The following TRPM5 variants were observed in gnomAD, a reference collection of about 807,000 sequenced individuals.
The protein encoded by TRPM5 is MLSN1 and TRP-related.
Under a neutral mutation model 124.9 loss-of-function variants are expected in TRPM5, and 121 were observed. That is an observed-to-expected ratio of 0.97 (90% CI 0.84 to 1.13). The LOEUF (loss-of-function observed/expected upper bound fraction) is 1.13. Among genes scored for constraint, TRPM5 ranks in the 50% most tolerant of loss-of-function variants. The pLI, the probability that TRPM5 is intolerant of heterozygous loss-of-function variation, is 0.00. For synonymous variants in TRPM5, 781 were observed against 700.5 expected, an observed-to-expected ratio of 1.11 and a Z score of -1.81; for missense variants, 1,643 against 1,589.1, an observed-to-expected ratio of 1.03 and a Z score of -0.58.
exon 15 of TRPM5, chr11:2,412,911 G>C (rs754028079): frequency 6.3e-7 from 1 of 1,598,168 alleles, no homozygotes; most frequent in Admixed American, 1.8e-5. Flanking sequence ...CAGGAACACA[G>C]TCACGGGAGC....
chr11:2,411,624 C>T lies in TRPM5; in HGVS notation c.2607+11G>A, dbSNP rs375609312. 111 of 1,610,810 alleles carry T rather than the reference C, an allele frequency of 6.9e-5. No homozygotes were observed. In the South Asian group the frequency reaches 1.1e-3, roughly 15 times the overall value. ...CCTCCAGGGCCAGGGCCAGGGCCCC[C>T]GGGGGCTCACCATGCGCTCTACCAC... On this transcript the variant is annotated intron_variant, in intron 17 of 23. Transcript: ENST00000155858.
chr11:2,405,466 C>A (rs1010551783), intron 23 of TRPM5, 61 bp downstream of exon 28: 9 of 1,506,386 alleles, frequency 6.0e-6, no homozygotes, highest in Non-Finnish European at 7.2e-6. Flanking sequence ...TACGGCCCCC[C>A]AGCCGCTGCA....
chr11:2,408,885 A>C (rs1468608753), intron 18 of TRPM5, among the ~76,000 whole-genome samples: 1 of 152,094 alleles, frequency 6.6e-6, no homozygotes, highest in African/African-American at 2.4e-5. Context: ...GTGAGCCTGT[A>C]CATGTGATTG....
chr11:2,421,197 T>C (rs868498420), exon 3 of TRPM5: 1 of 1,535,970 alleles, frequency 6.5e-7, no homozygotes, highest in South Asian at 1.2e-5. Context: ...GGATCCAGGC[T>C]CCTGTGGGGA....
rs772852012 is a variant in TRPM5, at chr11:2,414,759, G to A, written c.1700C>T (p.Ala567Val). 20 of 1,548,572 alleles carry A rather than the reference G, an allele frequency of 1.3e-5. No individual in the cohort carries two copies. The South Asian group carries it at 1.3e-4, about 10-fold the overall frequency. The change falls in exon 11 of 24, where the codon GCG (alanine) becomes GTG (valine). Residue 567 changes from alanine to valine, a missense_variant. Physicochemically the swap from Ala to Val is moderately conservative, Grantham distance 64. Transcript: ENST00000155858. ...TTTCGCCTCGCGCGTGGCTCGGGCC[G>A]CCTCGGCCTCCGTCTCCAGGTGCGA...
chr11:2,411,723 A>G (rs1383746441), exon 17 of TRPM5: 1 of 1,612,782 alleles, frequency 6.2e-7, no homozygotes, highest in Non-Finnish European at 8.5e-7. Flanking sequence ...CATGAAGTCC[A>G]TGGCGAGGAC....
the TRPM5 span, among the ~76,000 whole-genome samples, chr11:2,428,911 ATTGGTG>A: frequency 7.4e-6 from 1 of 134,726 alleles, no homozygotes; most frequent in East Asian, 2.3e-4. This position sits in a 1 kb window ranked among gnomAD's most constrained non-coding sequence, Gnocchi z 4.0. Context: ...TGGTGTTGGT[ATTGGTG>A]TTGGTGATGG....
At chr11:2,421,471 C>T (rs574638221) in intron 2 of TRPM5, among the ~76,000 whole-genome samples, 5 of 152,214 alleles carry the variant, frequency 3.3e-5, no homozygotes, top group Non-Finnish European at 7.3e-5. Flanking sequence ...TCCAGTCCCC[C>T]CACCGTGCTC....
Position 2,415,118 on chromosome 11 carries a change from CA to C in TRPM5, c.1479+2del, listed in dbSNP as rs1565011106. ...CCTCCATCCCCACGGAGCCCCCGCT[CA>C]CCGCCCTCCTGCGGTCCCCTGGCCG... On this transcript the variant is annotated splice_donor_variant, in intron 9 of 23. Coordinates refer to ENST00000155858, the Ensembl canonical transcript of TRPM5. LOFTEE classifies it high-confidence loss of function. 2 of 1,568,670 alleles carry C rather than the reference CA, an allele frequency of 1.3e-6. No homozygotes were observed.
At chr11:2,414,009 G>GGGGGGGCCCCCCCCCCCCCCCCCCCCCC in intron 12 of TRPM5, 52 bp downstream of exon 17, 27 of 1,023,676 alleles carry the variant, frequency 2.6e-5, no homozygotes, top group East Asian at 5.7e-5. Context: ...GGCCCAGCTC[G>GGGGGGGCCCCCCCCCCCCCCCCCCCCCC]CCCGCCCACC....
At chr11:2,410,192 G>T (rs887796284) in intron 18 of TRPM5, among the ~76,000 whole-genome samples, 1 of 152,216 alleles carries the variant, frequency 6.6e-6, no homozygotes, top group African/African-American at 2.4e-5. Context: ...GGGCTGCGGG[G>T]GCTGAGAAAA....
intron 18 of TRPM5, 91 bp downstream of exon 23, chr11:2,411,261 A>C: frequency 7.1e-7 from 1 of 1,408,250 alleles, no homozygotes; most frequent in Non-Finnish European, 9.4e-7. Context: ...CATGGCCCCA[A>C]CAGACCTCTC....
chr11:2,406,786 G>A, exon 21 of TRPM5: 3 of 1,611,310 alleles, frequency 1.9e-6, no homozygotes, highest in Non-Finnish European at 2.5e-6. Flanking sequence ...GGTCTGGCAG[G>A]TCTCTCTCTG....
chr11:2,410,690 A>G lies in TRPM5; in HGVS notation c.2782+662T>C, dbSNP rs368895874. On this transcript the variant is annotated intron_variant, in intron 18 of 23. Transcript: ENST00000155858. ...CCCTCCCCACTGCACTGGCTTATGA[A>G]AAAGTTTCCAGAGCCTCCACCAGCC... The G allele has an allele frequency of 5.7e-3, 2,582 of 455,374 alleles. 76 individuals are homozygous for G. Among genetic ancestry groups the G allele is most frequent in the South Asian group, 0.039 (2,510 of 64,430 alleles). 28.2% of individuals were successfully genotyped at this position (455,374 alleles called of 1,614,324 possible). A position where few individuals can be genotyped will look rare whatever the true frequency, so the allele number is the denominator to read the frequency against.
chr11:2,436,180 C>T, the TRPM5 span, among the ~76,000 whole-genome samples: 1 of 152,246 alleles, frequency 6.6e-6, no homozygotes, highest in African/African-American at 2.4e-5. Flanking sequence ...ATCACCCATT[C>T]AGCTCCTGGC....
chr11:2,409,387 C>T (rs1026633271), intron 18 of TRPM5, among the ~76,000 whole-genome samples: 22 of 152,108 alleles, frequency 1.4e-4, no homozygotes, highest in Non-Finnish European at 2.4e-4. Flanking sequence ...AGGAATGAGA[C>T]CCCCACACCC....
rs571470604 is a variant in TRPM5, at chr11:2,419,534, G to A, written c.649+688C>T. Among the ~76,000 whole-genome samples, 38 of 151,284 alleles carry A rather than the reference G, an allele frequency of 2.5e-4. No homozygotes were observed. In the East Asian group the frequency reaches 7.0e-3, roughly 28 times the overall value. The stretch of plus-strand genomic sequence containing the variant: ...GGGAGGCTGAGGCAGGAGAATTGTT[G>A]GAACCTGGGAGGTGGAGGCTGCAGT... On this transcript the variant is annotated intron_variant, in intron 4 of 23. Coordinates refer to ENST00000155858, the Ensembl canonical transcript of TRPM5.
At chr11:2,414,975 A>G in exon 10 of TRPM5, 1 of 1,607,544 alleles carries the variant, frequency 6.2e-7, no homozygotes, top group Non-Finnish European at 8.5e-7. Flanking sequence ...AGGTCCCGCC[A>G]GGGGTTCTCG....
chr11:2,405,487 C>T (rs148910045), intron 23 of TRPM5, 40 bp downstream of exon 28: 124 of 1,535,642 alleles, frequency 8.1e-5, no homozygotes, highest in Non-Finnish European at 1.0e-4. Flanking sequence ...GAGTGGGTGC[C>T]CATGCCCACC....
Sources: allele counts gnomAD v4.1 joint callset (sites outside exome capture counted in the v4.1 genomes callset), GRCh38; gene constraint gnomAD v4.1.1; non-coding constraint Gnocchi (gnomAD v3.1); transcripts MANE v1.5; gene names NCBI Gene and HGNC (gene_info 2026-07-23, HGNC 2026-07-21).